GFI1: variants seen among roughly 807,000 people sequenced by gnomAD.
GFI1 encodes the protein zinc finger protein Gfi-1.
GFI1 carries 15 observed loss-of-function variants against 39.2 expected under a neutral mutation model. The observed-to-expected ratio is 0.38, with a 90% CI of 0.26 to 0.59. The LOEUF (loss-of-function observed/expected upper bound fraction) is 0.59, where lower values mean the gene tolerates loss of function less well. Among genes scored for constraint, GFI1 ranks in the 20% least tolerant of loss-of-function variants. GFI1 has a pLI of 0.62. For synonymous variants in GFI1, 239 were observed against 254.3 expected (o/e 0.94, Z 0.57); for missense variants, 475 against 574.0 (o/e 0.83, Z 1.76).
intron 6 of GFI1, among the ~76,000 whole-genome samples, chr1:92,476,488 G>A (rs1402702074): frequency 6.6e-6 from 1 of 152,130 alleles, no homozygotes; most frequent in Admixed American, 6.5e-5. Flanking sequence ...CAGAGCAAAG[G>A]CCACGTGCCC....
chr1:92,476,140 G>A lies in GFI1; in HGVS notation c.1158C>T (p.His386=). The change falls in exon 7 of 7, where the codon CAC becomes CAT. Residue 386 remains histidine, a synonymous_variant. Coordinates refer to ENST00000294702, the MANE Select transcript of GFI1 (RefSeq NM_005263.5). ...GCTTGAAGCCTGTGTGTTTGCGGCTGTGGGTGATGAGGTTGGAGCTCTGGC... is the reference window on the plus strand; with the variant it reads ...GCTTGAAGCCTGTGTGTTTGCGGCTATGGGTGATGAGGTTGGAGCTCTGGC... The part of the protein sequence containing the change: ...AFSQSSNLIT[H]SRKHTGFKPF... 5.6e-6 allele frequency: 9 copies of A among 1,614,064 alleles called. No homozygotes were observed. The highest frequency in any genetic ancestry group is 7.6e-6 in the Non-Finnish European group (9 of 1,179,988).
chr1:92,483,064 G>A lies in GFI1; in HGVS notation c.116-18C>T. 2 of 1,567,344 alleles carry A rather than the reference G, an allele frequency of 1.3e-6. No homozygotes were observed. Among genetic ancestry groups the A allele is most frequent in the Non-Finnish European group, 1.7e-6 (2 of 1,160,350 alleles). On this transcript the variant is annotated intron_variant, in intron 2 of 6. Transcript: ENST00000294702. ...AGTGCTGTCTGCAAAGAGGAGGCAG[G>A]TGAGGGGCTCAGGCTGGGACCGGTT...
rs751565897 is a variant in GFI1, at chr1:92,480,672, C to T, written c.715G>A (p.Val239Met). 3 of 1,596,294 alleles carry T rather than the reference C, an allele frequency of 1.9e-6. No homozygotes were observed. Among genetic ancestry groups the T allele is most frequent in the South Asian group, 1.1e-5 (1 of 89,572 alleles). The change falls in exon 4 of 7, where the codon GTG becomes ATG. Residue 239 changes from valine to methionine, a missense_variant. Physicochemically the swap from Val to Met is conservative, Grantham distance 21. Coordinates refer to ENST00000294702, the MANE Select transcript of GFI1 (RefSeq NM_005263.5). The surrounding 1 kb of genome is among the most constrained non-coding windows in gnomAD (Gnocchi z 5.6). ...LHADKGAGVK[V>M]ESELLCTRLL... The stretch of plus-strand genomic sequence containing the variant: ...CGGGTGCACAGCAGCTCCGACTCCA[C>T]CTTGACGCCAGCGCCCTTGTCTGCG...
At position 92,483,385 on chromosome 1, in the gene GFI1, G is replaced by C. The variant is rs1571221053; in HGVS notation, c.103C>G (p.Pro35Ala). The change falls in exon 2 of 7, where the codon CCT (proline) becomes GCT (alanine). Residue 35 changes from proline to alanine, a missense_variant. Physicochemically the swap from Pro to Ala is conservative, Grantham distance 27. Transcript: ENST00000294702. ...GCGCGCCTCGCACCTGCTCGGCTAGGCGCCGGTACATTCTCTAAACGGAGG... is the reference window on the plus strand; with the variant it reads ...GCGCGCCTCGCACCTGCTCGGCTAGCCGCCGGTACATTCTCTAAACGGAGG... ...YSLRLENVPA[P>A]SRADSTSNAG... 1.9e-6 allele frequency: 3 copies of C among 1,605,178 alleles called. No homozygotes were observed. The highest frequency in any genetic ancestry group is 1.7e-6 in the Non-Finnish European group (2 of 1,172,412).
At position 92,482,979 on chromosome 1, in the gene GFI1, C is replaced by T. The variant is rs755926664; in HGVS notation, c.183G>A (p.Leu61=). The part of the protein sequence containing the change: ...PRDRLSPESQ[L]TEAPDRASAS... ...CGGAGGCTCTGTCTGGGGCTTCGGTCAGCTGCGATTCGGGGGACAAACGGT... is the reference window on the plus strand; with the variant it reads ...CGGAGGCTCTGTCTGGGGCTTCGGTTAGCTGCGATTCGGGGGACAAACGGT... The change falls in exon 3 of 7, where the codon CTG becomes CTA. Residue 61 remains leucine, a synonymous_variant. Coordinates refer to ENST00000294702, the MANE Select transcript of GFI1 (RefSeq NM_005263.5). This position sits in a 1 kb window ranked among gnomAD's most constrained non-coding sequence, Gnocchi z 4.4. 8 of 1,611,770 alleles carry T rather than the reference C, an allele frequency of 5.0e-6. No homozygotes were observed. In the East Asian group the frequency reaches 1.3e-4, roughly 27 times the overall value.
chr1:92,478,823 C>T, intron 5 of GFI1, 70 bp from the exon 6 acceptor site: 1 of 1,590,064 alleles, frequency 6.3e-7, no homozygotes, highest in Admixed American at 1.7e-5. Context: ...GTCAACTAGA[C>T]TGCTGCTCTC....
Position 92,475,158 on chromosome 1 carries a change from T to C in GFI1, c.*871A>G, listed in dbSNP as rs947772782. On this transcript the variant is annotated 3_prime_UTR_variant, in exon 7 of 7. Coordinates refer to ENST00000294702, the MANE Select transcript of GFI1 (RefSeq NM_005263.5). ...ACTTGGAGGTGCAACCGTTAGCTTT[T>C]GAGGAGCAGTCAGGGGTTGTGACTT... The C allele has an allele frequency of 2.4e-4, 37 of 152,248 alleles. No individual in the cohort carries two copies. The highest frequency in any genetic ancestry group is 8.0e-4 in the African/African-American group (33 of 41,444). The allele number at this position is 152,248 out of a possible 1,614,324, so 9.4% of individuals were successfully genotyped here.
chr1:92,476,846 T>A (rs529731113), intron 6 of GFI1, among the ~76,000 whole-genome samples: 1 of 152,188 alleles, frequency 6.6e-6, no homozygotes, highest in Non-Finnish European at 1.5e-5. Context: ...AAAATCCACA[T>A]TTGGGCCACA....
rs1267026066 is a variant in GFI1, at chr1:92,480,340, G to T, written c.924+8C>A. 2 of 1,547,812 alleles carry T rather than the reference G, an allele frequency of 1.3e-6. No individual in the cohort carries two copies. The highest frequency in any genetic ancestry group is 1.7e-6 in the Non-Finnish European group (2 of 1,146,462). The stretch of plus-strand genomic sequence containing the variant: ...AGGGCCGCGCGCGGCGGTGCGCCCC[G>T]CGCTTACCTGCGAGTGCACGGCTTT... On this transcript the variant is annotated splice_region_variant and intron_variant, in intron 5 of 6. Coordinates refer to ENST00000294702, the MANE Select transcript of GFI1 (RefSeq NM_005263.5). This position sits in a 1 kb window ranked among gnomAD's most constrained non-coding sequence, Gnocchi z 5.6.
rs1034598426 is a variant in GFI1 at position 92,480,361 on chromosome 1, G to A, written c.911C>T (p.Ala304Val). The change falls in exon 5 of 7, where the codon GCC becomes GTC. Residue 304 changes from alanine (A) to valine (V), a missense_variant. Physicochemically the swap from Ala to Val is moderately conservative, Grantham distance 64. Coordinates refer to ENST00000294702, the MANE Select transcript of GFI1 (RefSeq NM_005263.5). This position sits in a 1 kb window ranked among gnomAD's most constrained non-coding sequence, Gnocchi z 5.6. Reference protein sequence around the residue: ...GHAVSLEQHKAVHSQERSFDC... With the variant: ...GHAVSLEQHKVVHSQERSFDC... ...CCCCGCGCTTACCTGCGAGTGCACG[G>A]CTTTGTGCTGCTCCAGGCTCACCGC... is the stretch of plus-strand genomic sequence containing the variant. The A allele has an allele frequency of 6.5e-7, 1 of 1,549,844 alleles. No homozygotes were observed. The highest frequency in any genetic ancestry group is 2.4e-5 in the East Asian group (1 of 40,906).
At position 92,480,266 on chromosome 1, in the gene GFI1, G is replaced by A; in HGVS notation, c.924+82C>T. 2 of 1,441,524 alleles carry A rather than the reference G, an allele frequency of 1.4e-6. No homozygotes were observed. The highest frequency in any genetic ancestry group is 2.0e-5 in the Admixed American group (1 of 50,628). 89.3% of individuals were successfully genotyped at this position (1,441,524 alleles called of 1,614,324 possible). A position where few individuals can be genotyped will look rare whatever the true frequency, so the allele number is the denominator to read the frequency against. On this transcript the variant is annotated intron_variant, in intron 5 of 6. Coordinates refer to ENST00000294702, the MANE Select transcript of GFI1 (RefSeq NM_005263.5). This position sits in a 1 kb window ranked among gnomAD's most constrained non-coding sequence, Gnocchi z 5.6. ...GGGAAGTCGAGGAGAAAACTTCCAG[G>A]CAGAGAGTGGCTGGTGCTGCACCGA...
In GFI1 at chr1:92,480,411, C is replaced by A; in HGVS notation, c.861G>T (p.Glu287Asp). 6.4e-7 allele frequency: 1 copy of A among 1,550,466 alleles called. No individual in the cohort carries two copies. Among genetic ancestry groups the A allele is most frequent in the Non-Finnish European group, 8.7e-7 (1 of 1,146,680 alleles). The change falls in exon 5 of 7, where the codon GAG (glutamate) becomes GAT (aspartate). Residue 287 changes from glutamate to aspartate, a missense_variant. By Grantham distance (45) the Glu-to-Asp change is conservative. Around this residue, in one of 4 missense-constraint regions of GFI1, gnomAD observed 112 missense variants for 202.8 expected, o/e 0.55. Transcript: ENST00000294702. The surrounding 1 kb of genome is among the most constrained non-coding windows in gnomAD (Gnocchi z 5.6). Reference sequence around the variant, plus strand: ...CGTGCCCGAAGGTCTTGCCGCACATCTCGCAGGCAAAGGGTCTGGTACCGC... The same window carrying A: ...CGTGCCCGAAGGTCTTGCCGCACATATCGCAGGCAAAGGGTCTGGTACCGC... ...SHSGTRPFAC[E>D]MCGKTFGHAV...
At position 92,482,756 on chromosome 1, in the gene GFI1, CT is replaced by C. The variant is rs1658322574; in HGVS notation, c.298+107del. 2 of 866,466 alleles carry C rather than the reference CT, an allele frequency of 2.3e-6. No individual in the cohort carries two copies. Among genetic ancestry groups the C allele is most frequent in the South Asian group, 2.8e-5 (2 of 71,746 alleles). 53.7% of individuals were successfully genotyped at this position (866,466 alleles called of 1,614,324 possible). A position where few individuals can be genotyped will look rare whatever the true frequency, so the allele number is the denominator to read the frequency against. On this transcript the variant is annotated intron_variant, in intron 3 of 6. Transcript: ENST00000294702. The surrounding 1 kb of genome is among the most constrained non-coding windows in gnomAD (Gnocchi z 4.4). ...AATCAGCTCCCTTCTCCCGGAAAGA[CT>C]CTCCAACTCCCCGTTAGCATTTCTA...
intron 1 of GFI1, chr1:92,483,909 C>A (rs1658412391): frequency 1.2e-5 from 4 of 330,910 alleles, no homozygotes; most frequent in Non-Finnish European, 2.4e-5. Flanking sequence ...AATCAAACTC[C>A]CTGGAGAGCT....
Position 92,475,894 on chromosome 1 carries a change from G to T in GFI1, c.*135C>A. 1 of 793,070 alleles carries T rather than the reference G, an allele frequency of 1.3e-6. No individual in the cohort carries two copies. Among genetic ancestry groups the T allele is most frequent in the Non-Finnish European group, 2.1e-6 (1 of 470,102 alleles). 49.1% of individuals were successfully genotyped at this position (793,070 alleles called of 1,614,324 possible). ...GGTAAGGCGAAGGAGGAGCAACCTG[G>T]TAGGATCTGCAGACTGGACCTGGGG... On this transcript the variant is annotated 3_prime_UTR_variant, in exon 7 of 7. Transcript: ENST00000294702.
rs892631719 is a variant in GFI1, at chr1:92,474,292, G to A, written c.*1737C>T. ...GGACAGGAATGACAGAGCTGTCTCC[G>A]TATTACTTGATCAAGGAAACCAGTA... On this transcript the variant is annotated 3_prime_UTR_variant, in exon 7 of 7. Coordinates refer to ENST00000294702, the MANE Select transcript of GFI1 (RefSeq NM_005263.5). Among the ~76,000 whole-genome samples the A allele has an allele frequency of 1.3e-5, 2 of 152,176 alleles. No individual in the cohort carries two copies. The highest frequency in any genetic ancestry group is 1.3e-4 in the Admixed American group (2 of 15,270).
chr1:92,485,158 G>A (rs552325916), intron 1 of GFI1, among the ~76,000 whole-genome samples: 41 of 152,342 alleles, frequency 2.7e-4, no homozygotes, highest in African/African-American at 9.6e-4. Flanking sequence ...CTCCCGCGAA[G>A]TTTCCCGCTA....
rs1658387960 is a variant in GFI1 at position 92,483,517 on chromosome 1, C to T, written c.-30G>A. 1 of 1,327,510 alleles carries T rather than the reference C, an allele frequency of 7.5e-7. No homozygotes were observed. Among genetic ancestry groups the T allele is most frequent in the Admixed American group, 1.8e-5 (1 of 55,946 alleles). 82.2% of individuals were successfully genotyped at this position (1,327,510 alleles called of 1,614,324 possible). A position where few individuals can be genotyped will look rare whatever the true frequency, so the allele number is the denominator to read the frequency against. ...GTCCGGCACTTTCCCCACTGCGCCC[C>T]AAGAGTCCCTGGAGCCGCTGTCACC... On this transcript the variant is annotated 5_prime_UTR_variant, in exon 2 of 7. Coordinates refer to ENST00000294702, the MANE Select transcript of GFI1 (RefSeq NM_005263.5).
Position 92,475,967 on chromosome 1 carries a change from G to A in GFI1, c.*62C>T. On this transcript the variant is annotated 3_prime_UTR_variant, in exon 7 of 7. Coordinates refer to ENST00000294702, the MANE Select transcript of GFI1 (RefSeq NM_005263.5). Reference sequence around the variant, plus strand: ...GAGGCAAGCAGGGAGCAGAGTGGTGGCAAGCAGGGAGGCTGCCCTCTGTAG... The same window carrying A: ...GAGGCAAGCAGGGAGCAGAGTGGTGACAAGCAGGGAGGCTGCCCTCTGTAG... 6.7e-7 allele frequency: 1 copy of A among 1,486,378 alleles called. No homozygotes were observed. Among genetic ancestry groups the A allele is most frequent in the Non-Finnish European group, 9.3e-7 (1 of 1,073,626 alleles). 92.1% of individuals were successfully genotyped at this position (1,486,378 alleles called of 1,614,324 possible).
Sources: allele counts gnomAD v4.1 joint callset (sites outside exome capture counted in the v4.1 genomes callset), GRCh38; gene constraint gnomAD v4.1.1; regional missense constraint gnomAD v4.1.1; non-coding constraint Gnocchi (gnomAD v3.1); transcripts MANE v1.5; gene names NCBI Gene and HGNC (gene_info 2026-07-23, HGNC 2026-07-21).